The following CORO7 variants were observed in gnomAD, a reference collection of about 807,000 sequenced individuals.
CORO7 encodes coronin 7.
In CORO7, 107 loss-of-function variants were observed where a neutral mutation model predicts 126.6. The observed-to-expected ratio is 0.85, with a 90% CI of 0.72 to 0.99. The LOEUF (loss-of-function observed/expected upper bound fraction) is 0.99. Among genes scored for constraint, CORO7 ranks in the 50% least tolerant of loss-of-function variants. The pLI is 0.00. For synonymous variants in CORO7, 603 were observed against 536.8 expected (o/e 1.12, Z -1.70); for missense variants, 1,314 against 1,255.8 (o/e 1.05, Z -0.70).
chr16:4,392,206 G>A (rs1377358059), intron 7 of CORO7, among the ~76,000 whole-genome samples: 3 of 152,306 alleles, frequency 2.0e-5, no homozygotes, highest in East Asian at 1.9e-4. Context: ...TCCCAGAACA[G>A]CCTGGGCTCC....
At chr16:4,366,010 G>A (rs1263102299) in intron 9 of CORO7, among the ~76,000 whole-genome samples, 3 of 152,198 alleles carry the variant, frequency 2.0e-5, no homozygotes, top group South Asian at 2.1e-4. Context: ...CAGCCCTGCC[G>A]TTCCGAATCT....
chr16:4,411,919 T>G (rs2056226526), intron 3 of CORO7, among the ~76,000 whole-genome samples: 1 of 151,554 alleles, frequency 6.6e-6, no homozygotes, highest in Non-Finnish European at 1.5e-5. Context: ...ACAAAAGGTC[T>G]CTTTGTGAGG....
At chr16:4,388,760 CTGGGT>C in intron 7 of CORO7, 129 bp from the exon 8 acceptor site, 2 of 1,006,832 alleles carry the variant, frequency 2.0e-6, no homozygotes, top group South Asian at 1.5e-5. Context: ...GTGGGAAGGG[CTGGGT>C]CCTTCTCCAC....
chr16:4,405,622 G>C (rs908867043), intron 5 of CORO7, 55 bp from the exon 6 acceptor site: 221 of 1,586,712 alleles, frequency 1.4e-4, no homozygotes, highest in African/African-American at 1.2e-3. Flanking sequence ...CAGGGAAGTG[G>C]GTGGGGGCGG....
chr16:4,381,767 G>C, intron 9 of CORO7: 1 of 1,601,686 alleles, frequency 6.2e-7, no homozygotes, highest in Non-Finnish European at 8.5e-7. Context: ...GCAGCTGCCC[G>C]CAACCCCTTC....
chr16:4,402,784 C>A (rs2055858861), intron 6 of CORO7, among the ~76,000 whole-genome samples: 1 of 152,214 alleles, frequency 6.6e-6, no homozygotes, highest in Non-Finnish European at 1.5e-5. Flanking sequence ...TCAGGCTCAA[C>A]CATGCCGGGA....
At chr16:4,388,116 C>T (rs1288458277) in intron 8 of CORO7, 48 bp from the exon 9 acceptor site, 9 of 1,577,676 alleles carry the variant, frequency 5.7e-6, no homozygotes, top group South Asian at 1.2e-5. Context: ...TCCCTCAGCC[C>T]CACCCGGGGG....
In CORO7 at chr16:4,360,438, G is replaced by A; in HGVS notation, c.2022+6C>T. The A allele has an allele frequency of 2.5e-6, 4 of 1,612,814 alleles. No individual in the cohort carries two copies. Among genetic ancestry groups the A allele is most frequent in the South Asian group, 2.2e-5 (2 of 91,044 alleles). On this transcript the variant is annotated splice_donor_region_variant and intron_variant, in intron 20 of 27. Transcript: ENST00000251166. ...TGAGGCCACTCCCCAGCCCCTGTGT[G>A]CTCACCTGCAGGGGCTCAGGGCCAC...
At chr16:4,357,285 A>T in intron 25 of CORO7, 26 bp from the exon 26 acceptor site, 1 of 1,593,060 alleles carries the variant, frequency 6.3e-7, no homozygotes, top group Non-Finnish European at 8.5e-7. Flanking sequence ...GACACGTGTC[A>T]GAGAGTCCCC....
intron 9 of CORO7, among the ~76,000 whole-genome samples, chr16:4,374,849 T>C (rs2054662263): frequency 6.6e-6 from 1 of 152,164 alleles, no homozygotes; most frequent in African/African-American, 2.4e-5. Flanking sequence ...AGCTTAGGGC[T>C]GGCGGCCTTC....
intron 5 of CORO7, among the ~76,000 whole-genome samples, 184 bp from the exon 6 acceptor site, chr16:4,405,751 T>C (rs1286283727): frequency 6.6e-6 from 1 of 150,416 alleles, no homozygotes; most frequent in East Asian, 1.9e-4. Flanking sequence ...GGCTGCTTCC[T>C]TCACCCCACC....
chr16:4,398,048 T>G (rs962096997), intron 6 of CORO7, among the ~76,000 whole-genome samples: 4 of 152,168 alleles, frequency 2.6e-5, no homozygotes, highest in African/African-American at 9.6e-5. Context: ...CCCAAGTATG[T>G]GGGACCACAG....
intron 9 of CORO7, among the ~76,000 whole-genome samples, chr16:4,372,822 G>A (rs2054583403): frequency 6.6e-6 from 1 of 152,168 alleles, no homozygotes. Flanking sequence ...GCCCAGGGGT[G>A]GAGTGTGCAG....
intron 21 of CORO7, 99 bp from the exon 22 acceptor site, chr16:4,359,720 T>C: frequency 6.9e-7 from 1 of 1,446,418 alleles, no homozygotes; most frequent in Non-Finnish European, 9.2e-7. Context: ...TTCTGGGTTG[T>C]AGGCGAGGCC....
chr16:4,390,783 C>T (rs2055359538), intron 7 of CORO7, among the ~76,000 whole-genome samples: 1 of 152,214 alleles, frequency 6.6e-6, no homozygotes, highest in African/African-American at 2.4e-5. Flanking sequence ...CAGCTGTCTC[C>T]TCCACCTGCA....
At chr16:4,384,978 G>T (rs1712275907) in intron 9 of CORO7, among the ~76,000 whole-genome samples, 1 of 152,196 alleles carries the variant, frequency 6.6e-6, no homozygotes, top group African/African-American at 2.4e-5. Context: ...GGCAGTGGCG[G>T]GGGGGTGGCA....
intron 9 of CORO7, among the ~76,000 whole-genome samples, chr16:4,377,218 C>T (rs957639951): frequency 1.3e-5 from 2 of 152,160 alleles, no homozygotes; most frequent in African/African-American, 4.8e-5. Context: ...TCTTCCCACC[C>T]CCCGACGTCC....
rs780899438 is a variant in CORO7 at position 4,361,970 on chromosome 16, G to T, written c.1578+15C>A. 6.3e-7 allele frequency: 1 copy of T among 1,592,522 alleles called. No homozygotes were observed. Among genetic ancestry groups the T allele is most frequent in the South Asian group, 1.1e-5 (1 of 88,770 alleles). On this transcript the variant is annotated intron_variant, in intron 16 of 27. Coordinates refer to ENST00000251166, the MANE Select transcript of CORO7 (RefSeq NM_024535.5). ...AGGGAACTGAGGGGCAGCCCTGGTG[G>T]GGTGGGGCCCTCACCTCAAGCACAG...
At chr16:4,382,759 A>C in intron 9 of CORO7, 1 of 1,562,700 alleles carries the variant, frequency 6.4e-7, no homozygotes, top group Non-Finnish European at 8.7e-7. Flanking sequence ...GGAGGGAGTG[A>C]AGGTCCCCTT....
Sources: gnomAD v4.1 joint callset for allele counts (sites outside exome capture counted in the v4.1 genomes callset) on GRCh38, gnomAD v4.1.1 for gene constraint, MANE v1.5 for transcripts, NCBI Gene and HGNC (gene_info 2026-07-23, HGNC 2026-07-21) for gene names.